The following SLC5A1 variants were observed in gnomAD, a reference collection of about 807,000 sequenced individuals.
The protein encoded by SLC5A1 is sodium/glucose cotransporter 1.
A neutral mutation model predicts 73.5 loss-of-function variants in SLC5A1; 42 were observed. The ratio of observed to expected loss-of-function variants is 0.57; its 90% CI spans 0.45 to 0.74. SLC5A1 has a LOEUF of 0.74. SLC5A1 is among the 30% of genes least tolerant of loss of function. The pLI is 0.00. For missense variants in SLC5A1, 634 were observed against 855.4 expected (o/e 0.74, Z 3.23); for synonymous variants, 300 against 317.4 (o/e 0.95, Z 0.58).
At chr22:32,087,206 G>A (rs1281201833) in intron 10 of SLC5A1, among the ~76,000 whole-genome samples, 4 of 152,072 alleles carry the variant, frequency 2.6e-5, no homozygotes, top group Non-Finnish European at 5.9e-5. Context: ...TAATAGCAAC[G>A]TATTGTATAC....
chr22:32,068,219 C>G lies in SLC5A1; in HGVS notation c.372+193C>G, dbSNP rs545112944. Among the ~76,000 whole-genome samples, 70 of 152,266 alleles carry G rather than the reference C, an allele frequency of 4.6e-4. 2 individuals carry two copies. The South Asian group carries it at 0.014, about 31-fold the overall frequency. On this transcript the variant is annotated intron_variant, in intron 4 of 14. Coordinates refer to ENST00000266088, the MANE Select transcript of SLC5A1 (RefSeq NM_000343.4). The stretch of plus-strand genomic sequence containing the variant: ...ATATATTCCTCCTCCTCCTCCAGGG[C>G]AAGGGTCTGGCTCCTTAGTGATGCC...
chr22:32,103,126 T>C (rs1426469116), intron 13 of SLC5A1, among the ~76,000 whole-genome samples: 1 of 152,256 alleles, frequency 6.6e-6, no homozygotes, highest in Non-Finnish European at 1.5e-5. Context: ...GCTCTATTTT[T>C]AGTTCTTTGA....
intron 2 of SLC5A1, among the ~76,000 whole-genome samples, chr22:32,059,751 T>C (rs1241920549): frequency 2.0e-5 from 3 of 152,138 alleles, no homozygotes; most frequent in African/African-American, 7.2e-5. Flanking sequence ...CACAATCCCA[T>C]CTCTTGAGGA....
At chr22:32,062,407 G>A (rs989058060) in intron 2 of SLC5A1, among the ~76,000 whole-genome samples, 1 of 152,190 alleles carries the variant, frequency 6.6e-6, no homozygotes, top group African/African-American at 2.4e-5. Flanking sequence ...TGCATTTTGT[G>A]ATGTGACATT....
intron 1 of SLC5A1, among the ~76,000 whole-genome samples, chr22:32,045,148 C>T (rs2093935485): frequency 2.0e-5 from 3 of 152,168 alleles, no homozygotes; most frequent in Admixed American, 1.3e-4. Flanking sequence ...TCCACCCCAC[C>T]CCAGCTTATA....
chr22:32,076,659 C>T (rs2093991350), intron 5 of SLC5A1, among the ~76,000 whole-genome samples: 1 of 152,224 alleles, frequency 6.6e-6, no homozygotes, highest in Admixed American at 6.5e-5. Context: ...AGTAATGGGG[C>T]TTCACCATCT....
intron 5 of SLC5A1, among the ~76,000 whole-genome samples, chr22:32,075,465 G>C (rs1312794479): frequency 6.6e-6 from 1 of 152,158 alleles, no homozygotes; most frequent in East Asian, 1.9e-4. Flanking sequence ...CTGAGGTCCA[G>C]ACAGGGGAAG....
rs1434614799 is a variant in SLC5A1 at position 32,101,980 on chromosome 22, TTG to T, written c.1450-36_1450-35del. 3.4e-6 allele frequency: 5 copies of T among 1,461,012 alleles called. No individual in the cohort carries two copies. The South Asian group carries it at 5.7e-5, about 17-fold the overall frequency. The allele number at this position is 1,461,012 out of a possible 1,614,324, so 90.5% of individuals were successfully genotyped here. ...AAGAATGTTAGAAAGGCCATCTGTT[TTG>T]TGTGTTCAGCATGAGTTAACCCAGG... On this transcript the variant is annotated intron_variant, in intron 12 of 14. Coordinates refer to ENST00000266088, the MANE Select transcript of SLC5A1 (RefSeq NM_000343.4).
At chr22:32,044,050 G>C (rs1207699596) in intron 1 of SLC5A1, among the ~76,000 whole-genome samples, 2 of 139,002 alleles carry the variant, frequency 1.4e-5, no homozygotes, top group East Asian at 3.9e-4. Flanking sequence ...AGAGGGAAAT[G>C]TGTGTGTCTC....
chr22:32,101,155 T>C (rs1035993477), intron 12 of SLC5A1, among the ~76,000 whole-genome samples: 2 of 152,188 alleles, frequency 1.3e-5, no homozygotes, highest in Non-Finnish European at 1.5e-5. Context: ...AGTGCAGGGA[T>C]ACCAATGGCT....
chr22:32,098,228 T>C (rs530980217), intron 11 of SLC5A1, among the ~76,000 whole-genome samples: 58 of 152,248 alleles, frequency 3.8e-4, no homozygotes, highest in Non-Finnish European at 7.2e-4. Context: ...AATATGTTTG[T>C]AAAAACACAT....
At chr22:32,051,292 T>G (rs2093944833) in intron 2 of SLC5A1, among the ~76,000 whole-genome samples, 1 of 152,156 alleles carries the variant, frequency 6.6e-6, no homozygotes, top group Non-Finnish European at 1.5e-5. Flanking sequence ...AATCTCTGAG[T>G]CTCTGAGAGT....
chr22:32,068,677 G>A (rs1421147408), intron 5 of SLC5A1, 77 bp downstream of exon 5: 9 of 1,000,632 alleles, frequency 9.0e-6, no homozygotes, highest in East Asian at 2.4e-5. Context: ...TGCCCACCAA[G>A]AGGCGGCTCT....
Position 32,067,042 on chromosome 22 carries a change from G to A in SLC5A1, c.312+3G>A, listed in dbSNP as rs200776237. The stretch of plus-strand genomic sequence containing the variant: ...CCATTGGAGGCTTTGAATGGAATGT[G>A]AGTAACACTGCAGCCATGGTGCACT... On this transcript the variant is annotated splice_donor_region_variant and intron_variant, in intron 3 of 14. Coordinates refer to ENST00000266088, the MANE Select transcript of SLC5A1 (RefSeq NM_000343.4). The A allele has an allele frequency of 2.9e-5, 46 of 1,602,174 alleles. No homozygotes were observed. The African/African-American group carries it at 4.5e-4, about 16-fold the overall frequency.
At chr22:32,074,185 T>C (rs1444528018) in intron 5 of SLC5A1, among the ~76,000 whole-genome samples, 1 of 152,150 alleles carries the variant, frequency 6.6e-6, no homozygotes, top group East Asian at 1.9e-4. Flanking sequence ...GCAGTTGCCA[T>C]GGTAAGAGCA....
rs530554198 is a variant in SLC5A1 at position 32,044,515 on chromosome 22, GTT to G, written c.135+1113_135+1114del. ...AGCTTTTTCAGGGACAAAAGGAAGT[GTT>G]TTTTTTTTTTTTTCCAAAGGAATTG... is the stretch of plus-strand genomic sequence containing the variant. On this transcript the variant is annotated intron_variant, in intron 1 of 14. Transcript: ENST00000266088. 6.5e-5 allele frequency among the ~76,000 whole-genome samples: 9 copies of G among 138,660 alleles called. No individual in the cohort carries two copies. The South Asian group carries it at 7.2e-4, about 11-fold the overall frequency. 91.0% of individuals were successfully genotyped at this position (138,660 alleles called of 152,430 possible).
At chr22:32,054,208 G>A (rs1348921240) in intron 2 of SLC5A1, among the ~76,000 whole-genome samples, 2 of 152,060 alleles carry the variant, frequency 1.3e-5, no homozygotes, top group African/African-American at 4.8e-5. Flanking sequence ...CTCATCTCCA[G>A]CTTCTCCTCC....
In SLC5A1 at chr22:32,080,697, T is replaced by C. The variant is rs529832111; in HGVS notation, c.478-1169T>C. 5.5e-4 allele frequency among the ~76,000 whole-genome samples: 83 copies of C among 152,260 alleles called. 1 individual carries two copies. Among genetic ancestry groups the C allele is most frequent in the Middle Eastern group, 6.8e-3 (2 of 294 alleles). On this transcript the variant is annotated intron_variant, in intron 5 of 14. Coordinates refer to ENST00000266088, the MANE Select transcript of SLC5A1 (RefSeq NM_000343.4). ...TCCAGTTTCGTCCACACCTGGAGAT[T>C]TGAAAACAAAAGACTCAGCTGGGCG...
chr22:32,049,137 T>C (rs2093941336), intron 1 of SLC5A1, among the ~76,000 whole-genome samples: 1 of 125,202 alleles, frequency 8.0e-6, no homozygotes, highest in South Asian at 2.6e-4. Context: ...ATAATCATTA[T>C]ATATATATAA....
Sources: allele counts gnomAD v4.1 joint callset (sites outside exome capture counted in the v4.1 genomes callset), GRCh38; gene constraint gnomAD v4.1.1; transcripts MANE v1.5; gene names NCBI Gene and HGNC (gene_info 2026-07-23, HGNC 2026-07-21).